SBF2: variants seen among roughly 807,000 people sequenced by gnomAD.
SBF2 encodes the protein SET binding factor 2, also known as myotubularin-related protein 13.
In SBF2, 112 loss-of-function variants were observed where a neutral mutation model predicts 225.2. The ratio of observed to expected loss-of-function variants is 0.50; its 90% CI spans 0.43 to 0.58. The LOEUF (loss-of-function observed/expected upper bound fraction) is 0.58. Among genes scored for constraint, SBF2 ranks in the 20% least tolerant of loss-of-function variants. The pLI, the probability that SBF2 is intolerant of heterozygous loss-of-function variation, is 0.00. For synonymous variants in SBF2, 763 were observed against 773.3 expected, an observed-to-expected ratio of 0.99 and a Z score of 0.22; for missense variants, 1,996 against 2,206.2, an observed-to-expected ratio of 0.90 and a Z score of 1.91.
At chr11:10,236,387 CAGG>C (rs1555088922) in intron 1 of SBF2, among the ~76,000 whole-genome samples, 1 of 152,166 alleles carries the variant, frequency 6.6e-6, no homozygotes, top group Non-Finnish European at 1.5e-5. Context: ...CACTTGGCTG[CAGG>C]AGTTCAAGCC....
chr11:9,806,907 A>G (rs182815426), intron 32 of SBF2, among the ~76,000 whole-genome samples: 7 of 152,366 alleles, frequency 4.6e-5, no homozygotes, highest in Admixed American at 4.6e-4. Context: ...ATAGTTCAAT[A>G]AAGCTGTTAT....
intron 1 of SBF2, among the ~76,000 whole-genome samples, chr11:10,253,030 ACTC>A (rs778646914): frequency 1.2e-4 from 18 of 148,868 alleles, no homozygotes; most frequent in Non-Finnish European, 1.8e-4. Flanking sequence ...GCTCAATTAA[ACTC>A]CTTTAGATTT....
At chr11:9,977,778 CTTAA>C (rs1401136933) in intron 13 of SBF2, among the ~76,000 whole-genome samples, 5 of 152,146 alleles carry the variant, frequency 3.3e-5, no homozygotes, top group Non-Finnish European at 7.3e-5. Context: ...AAATGCCTTT[CTTAA>C]TTATTTGGGA....
In SBF2 at chr11:10,030,365, C is replaced by T. The variant is rs547734521; in HGVS notation, c.403-490G>A. Among the ~76,000 whole-genome samples, 12 of 152,254 alleles carry T rather than the reference C, an allele frequency of 7.9e-5. No individual in the cohort carries two copies. In the South Asian group the frequency reaches 1.2e-3, roughly 16 times the overall value. ...AGAAGGAGGTAGGTGGTAAAACAGA[C>T]ATAATGCAATCTTTATGAATCTTTC... On this transcript the variant is annotated intron_variant, in intron 4 of 39. Transcript: ENST00000256190.
intron 2 of SBF2, among the ~76,000 whole-genome samples, chr11:10,065,255 T>C (rs1358998816): frequency 1.3e-5 from 2 of 152,150 alleles, no homozygotes; most frequent in Non-Finnish European, 2.9e-5. Context: ...ATTTGTAGGA[T>C]GCTACTAAAG....
In SBF2 at chr11:9,968,387, G is replaced by A; in HGVS notation, c.1554C>T (p.Ala518=). 6.2e-7 allele frequency: 1 copy of A among 1,614,080 alleles called. No homozygotes were observed. The highest frequency in any genetic ancestry group is 8.5e-7 in the Non-Finnish European group (1 of 1,180,010). Residue 518 remains alanine, a synonymous_variant, in exon 14 of 40, where the codon GCC becomes GCT. Coordinates refer to ENST00000256190, the MANE Select transcript of SBF2 (RefSeq NM_030962.4). ...CAACACATTTCTTTTCTATTCGTGT[G>A]GCAGGAGGTGCATTCTGGTTCTTAG... ...NVAKNQNAPP[A]TRIEKKCVVP...
chr11:9,873,945 AGGCTG>A (rs1369152434), intron 17 of SBF2, among the ~76,000 whole-genome samples: 7 of 152,094 alleles, frequency 4.6e-5, no homozygotes, highest in Non-Finnish European at 8.8e-5. Flanking sequence ...GCTACTCGGG[AGGCTG>A]AGGCAAGAGA....
At chr11:10,082,081 C>T (rs1227733663) in intron 2 of SBF2, among the ~76,000 whole-genome samples, 3 of 151,964 alleles carry the variant, frequency 2.0e-5, no homozygotes, top group Non-Finnish European at 4.4e-5. Context: ...TGCAAAAGAG[C>T]ATCAGAGACT....
chr11:9,942,307 C>T (rs1865301198), intron 16 of SBF2, among the ~76,000 whole-genome samples: 1 of 152,164 alleles, frequency 6.6e-6, no homozygotes, highest in African/African-American at 2.4e-5. Flanking sequence ...CCTGCCTAGG[C>T]CTCCCAAGGT....
upstream of SBF2, among the ~76,000 whole-genome samples, chr11:10,295,479 G>A (rs1045168603): frequency 6.6e-6 from 1 of 151,536 alleles, no homozygotes; most frequent in Non-Finnish European, 1.5e-5. Context: ...TGAAACTGAA[G>A]GAATACTTTA....
At chr11:10,195,026 T>C (rs749778618) in intron 1 of SBF2, among the ~76,000 whole-genome samples, 1 of 152,208 alleles carries the variant, frequency 6.6e-6, no homozygotes, top group Non-Finnish European at 1.5e-5. Context: ...GTTTCAGTTA[T>C]GGGCTATAAA....
At chr11:10,147,369 C>T (rs1005155088) in intron 2 of SBF2, among the ~76,000 whole-genome samples, 7 of 152,092 alleles carry the variant, frequency 4.6e-5, no homozygotes, top group Admixed American at 4.6e-4. Context: ...ACAAATACAC[C>T]ATGGAATACT....
chr11:10,189,055 G>A (rs1339688848), intron 2 of SBF2, among the ~76,000 whole-genome samples: 2 of 152,036 alleles, frequency 1.3e-5, no homozygotes, highest in Non-Finnish European at 2.9e-5. Context: ...CTTACCTCAG[G>A]ACAGAGGCTT....
intron 1 of SBF2, among the ~76,000 whole-genome samples, chr11:10,291,506 A>G (rs1964154911): frequency 6.6e-6 from 1 of 152,204 alleles, no homozygotes; most frequent in South Asian, 2.1e-4. Flanking sequence ...ATAGTAACAG[A>G]ATATAATCCG....
In SBF2 at chr11:9,785,497, G is replaced by A. The variant is rs1181772909; in HGVS notation, c.5038-179C>T. The stretch of plus-strand genomic sequence containing the variant: ...GTAAAAAACTGGAAACAACCTACAC[G>A]TCCATTATTAGGGACATTAAACAAA... On this transcript the variant is annotated intron_variant, in intron 36 of 39. Transcript: ENST00000256190. 2.2e-5 allele frequency: 14 copies of A among 629,504 alleles called. 1 individual carries two copies. The highest frequency in any genetic ancestry group is 1.5e-4 in the South Asian group (8 of 52,348). 39.0% of individuals were successfully genotyped at this position (629,504 alleles called of 1,614,324 possible).
chr11:9,894,768 G>T (rs1861107032), intron 17 of SBF2, among the ~76,000 whole-genome samples: 1 of 152,188 alleles, frequency 6.6e-6, no homozygotes, highest in East Asian at 1.9e-4. Context: ...ATCACCTGAG[G>T]TCAGGAGTTT....
At chr11:10,056,153 A>G (rs748967269) in intron 2 of SBF2, among the ~76,000 whole-genome samples, 1 of 152,224 alleles carries the variant, frequency 6.6e-6, no homozygotes, top group Non-Finnish European at 1.5e-5. Context: ...GCCTTGCACT[A>G]TAGTTTGAAG....
At chr11:10,067,048 TGG>T (rs1367964363) in intron 2 of SBF2, among the ~76,000 whole-genome samples, 1 of 152,022 alleles carries the variant, frequency 6.6e-6, no homozygotes, top group African/African-American at 2.4e-5. Flanking sequence ...GAGTGTGAAA[TGG>T]GAAGACTGCT....
intron 2 of SBF2, among the ~76,000 whole-genome samples, chr11:10,127,477 A>G (rs1049010885): frequency 6.6e-6 from 1 of 151,972 alleles, no homozygotes. Flanking sequence ...ACATCCCTCC[A>G]TTGCCTCCAC....
Sources: gnomAD v4.1 joint callset for allele counts (sites outside exome capture counted in the v4.1 genomes callset) on GRCh38, gnomAD v4.1.1 for gene constraint, MANE v1.5 for transcripts, NCBI Gene and HGNC (gene_info 2026-07-23, HGNC 2026-07-21) for gene names.